The following CNTNAP2 variants were observed in gnomAD, a reference collection of about 807,000 sequenced individuals.
The protein encoded by CNTNAP2 is contactin-associated protein-like 2.
In CNTNAP2, 98 loss-of-function variants were observed where a neutral mutation model predicts 155.2. That is an observed-to-expected ratio of 0.63 (90% CI 0.54 to 0.75). The LOEUF is 0.75. Ranked by LOEUF, CNTNAP2 falls within the 30% of genes least tolerant of loss-of-function variation. The pLI, the probability that CNTNAP2 is intolerant of heterozygous loss-of-function variation, is 0.00. For synonymous variants in CNTNAP2, 651 were observed against 631.2 expected, an observed-to-expected ratio of 1.03 and a Z score of -0.47; for missense variants, 1,727 against 1,688.1, an observed-to-expected ratio of 1.02 and a Z score of -0.40.
chr7:147,531,598 G>A (rs561484855), intron 11 of CNTNAP2, among the ~76,000 whole-genome samples: 13 of 152,270 alleles, frequency 8.5e-5, no homozygotes, highest in Non-Finnish European at 8.8e-5. Context: ...TAGGCTGCAC[G>A]TAGCACGGGG....
chr7:147,277,928 C>T (rs1163970643), intron 8 of CNTNAP2, among the ~76,000 whole-genome samples: 4 of 151,762 alleles, frequency 2.6e-5, no homozygotes, highest in Non-Finnish European at 5.9e-5. Flanking sequence ...CTGGTTTCAA[C>T]TGGTACCTCT....
rs1800204665 is a variant in CNTNAP2, at chr7:147,083,886, A to ACACATGTATGTACATATTATATACATATG, written c.551-24249_551-24248insCATATTATATACATATGCACATGTATGTA. Among the ~76,000 whole-genome samples the ACACATGTATGTACATATTATATACATATG allele has an allele frequency of 5.7e-5, 8 of 140,562 alleles. No homozygotes were observed. In the South Asian group the frequency reaches 1.1e-3, roughly 20 times the overall value. The allele number at this position is 140,562 out of a possible 152,430, so 92.2% of individuals were successfully genotyped here. A position where few individuals can be genotyped will look rare whatever the true frequency, so the allele number is the denominator to read the frequency against. On this transcript the variant is annotated intron_variant, in intron 4 of 23. Coordinates refer to ENST00000361727, the MANE Select transcript of CNTNAP2 (RefSeq NM_014141.6). ...ATGTATGTACATATTATATACATAT[A>ACACATGTATGTACATATTATATACATATG]CACATGTATGTATATATTATATGCA... is the stretch of plus-strand genomic sequence containing the variant.
At chr7:147,475,428 G>T (rs1004193395) in intron 10 of CNTNAP2, among the ~76,000 whole-genome samples, 2 of 151,918 alleles carry the variant, frequency 1.3e-5, no homozygotes, top group Non-Finnish European at 2.9e-5. Flanking sequence ...TATGAATGAT[G>T]TTGAACATTT....
chr7:147,199,818 C>A (rs775267431), intron 8 of CNTNAP2, among the ~76,000 whole-genome samples: 20 of 142,278 alleles, frequency 1.4e-4, no homozygotes, highest in African/African-American at 4.7e-4. Context: ...AATTAGTTCC[C>A]GATTTTCTTT....
chr7:147,276,439 A>T (rs1262927964), intron 8 of CNTNAP2, among the ~76,000 whole-genome samples: 2 of 152,072 alleles, frequency 1.3e-5, no homozygotes, highest in Non-Finnish European at 2.9e-5. Flanking sequence ...TTGTAAGTTG[A>T]ATTAAATAGT....
intron 13 of CNTNAP2, among the ~76,000 whole-genome samples, chr7:147,691,308 T>A (rs562570920): frequency 6.6e-6 from 1 of 152,174 alleles, no homozygotes; most frequent in South Asian, 2.1e-4. Flanking sequence ...CTCTCTTCAG[T>A]TTGACAGTCA....
chr7:147,978,485 T>A (rs775247680), intron 15 of CNTNAP2, among the ~76,000 whole-genome samples: 12 of 152,308 alleles, frequency 7.9e-5, no homozygotes, highest in Admixed American at 3.9e-4. Context: ...TGGTCCCTTG[T>A]AAGCCAAAGA....
At chr7:147,830,608 GA>G (rs1798531927) in intron 13 of CNTNAP2, among the ~76,000 whole-genome samples, 1 of 152,130 alleles carries the variant, frequency 6.6e-6, no homozygotes, top group African/African-American at 2.4e-5. Flanking sequence ...GCAAAAGCAG[GA>G]AATAGAAGGA....
intron 13 of CNTNAP2, among the ~76,000 whole-genome samples, chr7:147,789,156 C>T (rs1263064691): frequency 6.6e-6 from 1 of 152,022 alleles, no homozygotes; most frequent in Non-Finnish European, 1.5e-5. Context: ...ATCTGCCCGC[C>T]TCGGCCTCCC....
At chr7:147,880,007 G>A (rs148695705) in intron 13 of CNTNAP2, among the ~76,000 whole-genome samples, 1 of 152,186 alleles carries the variant, frequency 6.6e-6, no homozygotes, top group African/African-American at 2.4e-5. Flanking sequence ...GAAAACAGTG[G>A]TGATGAGATC....
At chr7:148,056,805 C>T (rs2710126) in intron 15 of CNTNAP2, 100,589 of 152,068 alleles carry the variant, frequency 0.66, 34,954 homozygotes, top group East Asian at 0.92. Context: ...TATGATCGTT[C>T]GTGTTGGCGT....
chr7:148,293,683 G>A (rs1797232550), intron 21 of CNTNAP2, among the ~76,000 whole-genome samples: 1 of 152,088 alleles, frequency 6.6e-6, no homozygotes, highest in African/African-American at 2.4e-5. Context: ...GAGAAGTCAT[G>A]TCTTGGACAG....
intron 8 of CNTNAP2, among the ~76,000 whole-genome samples, chr7:147,269,851 C>T (rs1804700608): frequency 6.6e-6 from 1 of 152,078 alleles, no homozygotes; most frequent in South Asian, 2.1e-4. Flanking sequence ...CCATGAGTTC[C>T]AGACCAGCCT....
intron 1 of CNTNAP2, among the ~76,000 whole-genome samples, chr7:146,317,942 C>T (rs527591592): frequency 2.6e-5 from 4 of 152,122 alleles, no homozygotes; most frequent in Non-Finnish European, 4.4e-5. Context: ...GAGATCGAGA[C>T]AATCCTGGCT....
At chr7:146,968,212 C>T (rs1797700352) in intron 3 of CNTNAP2, among the ~76,000 whole-genome samples, 1 of 151,624 alleles carries the variant, frequency 6.6e-6, no homozygotes, top group African/African-American at 2.4e-5. Flanking sequence ...TTCGGTTTGC[C>T]AGTATTTTAT....
chr7:147,602,209 G>C (rs1371458015), intron 12 of CNTNAP2, among the ~76,000 whole-genome samples: 8 of 151,926 alleles, frequency 5.3e-5, no homozygotes, highest in Non-Finnish European at 1.5e-5. Flanking sequence ...TGTTGAACTA[G>C]ATGATTATCC....
At chr7:146,721,181 A>ATATATATTCTCTATATATATTCTCTG (rs1801295413) in intron 1 of CNTNAP2, among the ~76,000 whole-genome samples, 1 of 132,616 alleles carries the variant, frequency 7.5e-6, no homozygotes, top group Admixed American at 8.0e-5. Context: ...TATATTCCAT[A>ATATATATTCTCTATATATATTCTCTG]TATATATTCT....
In CNTNAP2 at chr7:146,446,577, G is replaced by A. The variant is rs574314414; in HGVS notation, c.98-327694G>A. Among the ~76,000 whole-genome samples the A allele has an allele frequency of 2.0e-5, 3 of 152,164 alleles. No homozygotes were observed. The East Asian group carries it at 5.8e-4, about 29-fold the overall frequency. On this transcript the variant is annotated intron_variant, in intron 1 of 23. Coordinates refer to ENST00000361727, the MANE Select transcript of CNTNAP2 (RefSeq NM_014141.6). The stretch of plus-strand genomic sequence containing the variant: ...ACTGAGCTAAGAAAAAGACCAGTTG[G>A]TTCTAGGGGAAAAAACAAAACAAAA...
At chr7:146,561,461 C>T (rs1208436108) in intron 1 of CNTNAP2, among the ~76,000 whole-genome samples, 2 of 152,026 alleles carry the variant, frequency 1.3e-5, no homozygotes, top group Non-Finnish European at 2.9e-5. Flanking sequence ...TCCAGACCAG[C>T]CTAGGCAACA....
Sources: gnomAD v4.1 joint callset for allele counts (sites outside exome capture counted in the v4.1 genomes callset) on GRCh38, gnomAD v4.1.1 for gene constraint, MANE v1.5 for transcripts, NCBI Gene and HGNC (gene_info 2026-07-23, HGNC 2026-07-21) for gene names.